The following TRPM3 variants were observed in gnomAD, a reference collection of about 807,000 sequenced individuals.
The protein encoded by TRPM3 is transient receptor potential cation channel subfamily M member 3, also known as long transient receptor potential channel 3.
A neutral mutation model predicts 181.2 loss-of-function variants in TRPM3; 77 were observed. That is an observed-to-expected ratio of 0.42 (90% CI 0.35 to 0.51). The LOEUF (loss-of-function observed/expected upper bound fraction) is 0.51. Ranked by LOEUF, TRPM3 falls within the 20% of genes least tolerant of loss-of-function variation. The probability of loss-of-function intolerance (pLI) is 0.01; values close to 1 mark genes in which losing one functional copy is unlikely to be tolerated. For synonymous variants in TRPM3, 745 were observed against 796.4 expected, an observed-to-expected ratio of 0.94 and a Z score of 1.09; for missense variants, 1,759 against 2,196.7, an observed-to-expected ratio of 0.80 and a Z score of 3.98.
intron 1 of TRPM3, among the ~76,000 whole-genome samples, chr9:70,942,133 C>CA (rs1311576441): frequency 6.6e-6 from 1 of 152,158 alleles, no homozygotes; most frequent in Non-Finnish European, 1.5e-5. Context: ...GGCCACCTTT[C>CA]AACTGAGATA....
At chr9:71,403,234 T>C (rs1319983905) in intron 1 of TRPM3, among the ~76,000 whole-genome samples, 1 of 152,204 alleles carries the variant, frequency 6.6e-6, no homozygotes, top group Non-Finnish European at 1.5e-5. Context: ...GAACTGTCTA[T>C]GGCTGCTTTC....
chr9:70,581,386 G>A (rs145504587), intron 22 of TRPM3, among the ~76,000 whole-genome samples: 56 of 152,372 alleles, frequency 3.7e-4, no homozygotes, highest in East Asian at 3.5e-3. Flanking sequence ...CTTGACAGAC[G>A]TGGTCTGATA....
chr9:70,976,535 T>C (rs1287658432), intron 1 of TRPM3, among the ~76,000 whole-genome samples: 1 of 152,216 alleles, frequency 6.6e-6, no homozygotes, highest in African/African-American at 2.4e-5. Flanking sequence ...ATCTACTGAA[T>C]ACATGGTTCC....
At chr9:71,319,232 C>T (rs2088954408) in intron 1 of TRPM3, among the ~76,000 whole-genome samples, 1 of 81,724 alleles carries the variant, frequency 1.2e-5, no homozygotes, top group African/African-American at 3.0e-5. Context: ...ACATAGAGAC[C>T]TAGAAAGAGG....
chr9:70,889,537 G>A (rs1287157086), intron 1 of TRPM3, among the ~76,000 whole-genome samples: 1 of 152,166 alleles, frequency 6.6e-6, no homozygotes, highest in Non-Finnish European at 1.5e-5. Context: ...CAGCAGGATA[G>A]TGGTGGACTT....
intron 1 of TRPM3, among the ~76,000 whole-genome samples, chr9:71,239,034 C>T (rs188643695): frequency 7.2e-4 from 110 of 152,102 alleles, no homozygotes; most frequent in South Asian, 6.2e-3. Context: ...ATCTCTTGTT[C>T]TTGAGATCAC....
intron 7 of TRPM3, among the ~76,000 whole-genome samples, chr9:70,783,618 C>G (rs1294244628): frequency 6.6e-6 from 1 of 152,046 alleles, no homozygotes; most frequent in East Asian, 1.9e-4. Flanking sequence ...CTTTCCCAGC[C>G]CGTCTAGAGA....
chr9:71,143,133 G>GAA (rs1168348435), intron 1 of TRPM3, among the ~76,000 whole-genome samples: 3 of 108,852 alleles, frequency 2.8e-5, no homozygotes, highest in Admixed American at 8.8e-5. Context: ...CCAAAAAAAA[G>GAA]AAAAAAAAAA....
chr9:70,622,228 T>C (rs1490409792), intron 14 of TRPM3, among the ~76,000 whole-genome samples: 1 of 152,128 alleles, frequency 6.6e-6, no homozygotes, highest in African/African-American at 2.4e-5. Context: ...TCCCTAGATA[T>C]TGGATTTCCT....
chr9:71,204,002 T>C (rs1326277496), intron 1 of TRPM3, among the ~76,000 whole-genome samples: 1 of 152,090 alleles, frequency 6.6e-6, no homozygotes, highest in Non-Finnish European at 1.5e-5. Flanking sequence ...GAAAACTGGC[T>C]AGCCATATGT....
intron 1 of TRPM3, among the ~76,000 whole-genome samples, chr9:71,324,060 A>G (rs914189123): frequency 5.3e-5 from 8 of 152,138 alleles, no homozygotes; most frequent in Non-Finnish European, 1.0e-4. Flanking sequence ...CATGCACAAA[A>G]TTGTGAATTT....
chr9:71,393,959 C>T (rs1208255306), intron 1 of TRPM3, among the ~76,000 whole-genome samples: 1 of 152,074 alleles, frequency 6.6e-6, no homozygotes, highest in African/African-American at 2.4e-5. Flanking sequence ...CATAGATAGT[C>T]TTCAGGAGGT....
At position 70,620,219 on chromosome 9, in the gene TRPM3, C is replaced by A. The variant is rs547639123; in HGVS notation, c.1986G>T (p.Lys662Asn). ...CGTGCTGCCAGAAGAACAGGGCCATCTTCTGCCGCTTCATGAGAACAGCCC... is the reference window on the plus strand; with the variant it reads ...CGTGCTGCCAGAAGAACAGGGCCATATTCTGCCGCTTCATGAGAACAGCCC... ...MVWAVLMKRQ[K>N]MALFFWQHGE... Residue 662 changes from lysine to asparagine, a missense_variant, in exon 16 of 26, where the codon AAG (lysine) becomes AAT (asparagine). Physicochemically the swap from Lys to Asn is moderately conservative, Grantham distance 94. Around this residue, in one of 8 missense-constraint regions of TRPM3, gnomAD observed 737 missense variants for 957.4 expected, o/e 0.77. Coordinates refer to ENST00000677713, the MANE Select transcript of TRPM3 (RefSeq NM_001366145.2). 1.9e-6 allele frequency: 3 copies of A among 1,614,248 alleles called. No individual in the cohort carries two copies. Among genetic ancestry groups the A allele is most frequent in the Admixed American group, 3.3e-5 (2 of 60,032 alleles).
intron 7 of TRPM3, among the ~76,000 whole-genome samples, chr9:70,771,461 C>T (rs1254729105): frequency 1.3e-5 from 2 of 151,870 alleles, no homozygotes; most frequent in East Asian, 1.9e-4. Context: ...CTTTACTTCC[C>T]TTTTCCTTCT....
At chr9:70,586,392 A>G (rs2057141554) in intron 22 of TRPM3, among the ~76,000 whole-genome samples, 1 of 152,254 alleles carries the variant, frequency 6.6e-6, no homozygotes, top group African/African-American at 2.4e-5. Flanking sequence ...CGGAATCATC[A>G]CAAAGTCCTG....
Position 70,620,285 on chromosome 9 carries a change from C to G in TRPM3, c.1920G>C (p.Glu640Asp), listed in dbSNP as rs902724118. Residue 640 changes from glutamate (E) to aspartate (D), a missense_variant, in exon 16 of 26, where the codon GAG (glutamate) becomes GAC (aspartate). This residue lies in a region of TRPM3 where 737 missense variants were observed against 957.4 expected (regional missense o/e 0.77). Coordinates refer to ENST00000677713, the MANE Select transcript of TRPM3 (RefSeq NM_001366145.2). ...EEVDIDLDDP[E>D]INHFPFPFHE... ...GGAAAGGGAAGGGGAAGTGGTTGAT[C>G]TCAGGATCATCCAAGTCAATGTCCA... The G allele has an allele frequency of 2.5e-6, 4 of 1,614,128 alleles. No individual in the cohort carries two copies. In the African/African-American group the frequency reaches 5.3e-5, roughly 22 times the overall value.
intron 1 of TRPM3, among the ~76,000 whole-genome samples, chr9:71,434,217 C>A (rs1211254990): frequency 6.6e-6 from 1 of 152,000 alleles, no homozygotes; most frequent in Non-Finnish European, 1.5e-5. Context: ...TTGTGTCCCC[C>A]CCAAAATTCA....
At chr9:70,851,697 A>C (rs1018874477) in intron 3 of TRPM3, among the ~76,000 whole-genome samples, 3 of 152,192 alleles carry the variant, frequency 2.0e-5, no homozygotes, top group Non-Finnish European at 4.4e-5. Context: ...TGAATGAATG[A>C]CCTAAGAGAT....
chr9:70,939,586 G>T (rs2096865198), intron 1 of TRPM3, among the ~76,000 whole-genome samples: 2 of 152,206 alleles, frequency 1.3e-5, no homozygotes, highest in South Asian at 4.1e-4. Flanking sequence ...GCCCACAAGG[G>T]TTGATTTTGC....
Sources: allele counts gnomAD v4.1 joint callset (sites outside exome capture counted in the v4.1 genomes callset), GRCh38; gene constraint gnomAD v4.1.1; regional missense constraint gnomAD v4.1.1; transcripts MANE v1.5; gene names NCBI Gene and HGNC (gene_info 2026-07-23, HGNC 2026-07-21).